Variants in TRIO observed in about 807,000 individuals in gnomAD.
TRIO encodes triple functional domain protein.
Under a neutral mutation model 351.9 loss-of-function variants are expected in TRIO, and 58 were observed. That is an observed-to-expected ratio of 0.16 (90% CI 0.13 to 0.21). TRIO has a LOEUF of 0.21. Among genes scored for constraint, TRIO ranks in the 10% least tolerant of loss-of-function variants. TRIO has a pLI of 1.00. For missense variants in TRIO, 3,201 were observed against 4,027.8 expected, an observed-to-expected ratio of 0.79 and a Z score of 5.56; for synonymous variants, 1,758 against 1,595.7, an observed-to-expected ratio of 1.10 and a Z score of -2.42.
At chr5:14,357,560 A>G (rs154162) in intron 11 of TRIO, among the ~76,000 whole-genome samples, 150,099 of 152,124 alleles carry the variant, frequency 0.99, 74,060 homozygotes, top group East Asian at 1. Flanking sequence ...AGGTGTCTGC[A>G]TCTTTTCAGC....
rs1194531995 is a variant in TRIO at position 14,509,383 on chromosome 5, T to G, written c.*961T>G. 2 of 449,114 alleles carry G rather than the reference T, an allele frequency of 4.5e-6. No individual in the cohort carries two copies. Among genetic ancestry groups the G allele is most frequent in the Non-Finnish European group, 8.9e-6 (2 of 225,958 alleles). The allele number at this position is 449,114 out of a possible 1,614,324, so 27.8% of individuals were successfully genotyped here. The stretch of plus-strand genomic sequence containing the variant: ...GTATGGTGAGCTTTATGGTTTTGTG[T>G]GTGTGTTGGGGTTGGCGGGTGGGTG... On this transcript the variant is annotated 3_prime_UTR_variant, in exon 57 of 57. Coordinates refer to ENST00000344204, the MANE Select transcript of TRIO (RefSeq NM_007118.4).
chr5:14,236,126 G>A (rs1041028776), intron 1 of TRIO, among the ~76,000 whole-genome samples: 6 of 152,084 alleles, frequency 3.9e-5, no homozygotes, highest in Non-Finnish European at 1.5e-5. Context: ...AAGTCCAAAC[G>A]ACCTGGAATT....
intron 1 of TRIO, among the ~76,000 whole-genome samples, chr5:14,257,382 G>A (rs1001242948): frequency 4.6e-5 from 7 of 152,180 alleles, no homozygotes; most frequent in African/African-American, 1.2e-4. Context: ...CAGGTTAATC[G>A]AAGCTTTTGT....
intron 1 of TRIO, among the ~76,000 whole-genome samples, chr5:14,265,175 C>T (rs1795596945): frequency 6.6e-6 from 1 of 151,726 alleles, no homozygotes; most frequent in South Asian, 2.1e-4. Context: ...AATGAAACCC[C>T]TGAGAATGGG....
At position 14,358,273 on chromosome 5, in the gene TRIO, C is replaced by CCAG; in HGVS notation, c.2152_2154dup (p.Gln718dup). On this transcript the variant is annotated inframe_insertion, in exon 12 of 57. Coordinates refer to ENST00000344204, the MANE Select transcript of TRIO (RefSeq NM_007118.4). ...TGCAGGACCTCATCAAGCGCTTTGGCCAGCAGCAGCAGACCACCCTGCAGG... is the reference window on the plus strand; with the variant it reads ...TGCAGGACCTCATCAAGCGCTTTGGCCAGCAGCAGCAGCAGACCACCCTGCAGG... The CCAG allele has an allele frequency of 6.2e-7, 1 of 1,614,178 alleles. No homozygotes were observed. Among genetic ancestry groups the CCAG allele is most frequent in the Non-Finnish European group, 8.5e-7 (1 of 1,180,024 alleles).
rs528288049 is a variant in TRIO at position 14,256,322 on chromosome 5, A to G, written c.158-14503A>G. Among the ~76,000 whole-genome samples, 21 of 152,230 alleles carry G rather than the reference A, an allele frequency of 1.4e-4. No individual in the cohort carries two copies. The East Asian group carries it at 3.5e-3, about 25-fold the overall frequency. ...ATGAGGGATCCACCCCCATGACTCA[A>G]ACACCTCCCACCACGCCCCACCTCC... On this transcript the variant is annotated intron_variant, in intron 1 of 56. Transcript: ENST00000344204.
chr5:14,280,882 A>T (rs559382326), intron 3 of TRIO, among the ~76,000 whole-genome samples: 2 of 152,164 alleles, frequency 1.3e-5, no homozygotes, highest in East Asian at 3.9e-4. Context: ...CTTATTAGCT[A>T]TATATTGGGC....
intron 2 of TRIO, among the ~76,000 whole-genome samples, chr5:14,272,980 A>G (rs1735170636): frequency 1.3e-5 from 2 of 152,134 alleles, no homozygotes; most frequent in South Asian, 4.2e-4. Flanking sequence ...TCTAAAATCC[A>G]CCTTTTTAAA....
At chr5:14,464,751 C>T (rs1367074613) in intron 36 of TRIO, among the ~76,000 whole-genome samples, 2 of 152,180 alleles carry the variant, frequency 1.3e-5, no homozygotes, top group African/African-American at 4.8e-5. Flanking sequence ...CATGCCTCGC[C>T]GCTGTCCTTA....
chr5:14,483,389 G>A (rs575727614), intron 46 of TRIO, among the ~76,000 whole-genome samples: 32 of 152,322 alleles, frequency 2.1e-4, no homozygotes, highest in African/African-American at 6.3e-4. Flanking sequence ...ACATGCCCCC[G>A]CCAGGGTCCT....
chr5:14,456,296 T>G (rs1019793080), intron 34 of TRIO, among the ~76,000 whole-genome samples: 7 of 152,236 alleles, frequency 4.6e-5, no homozygotes, highest in African/African-American at 1.7e-4. Context: ...CCCTCCAGCC[T>G]CAGCCAGCTC....
intron 1 of TRIO, among the ~76,000 whole-genome samples, chr5:14,218,910 G>C (rs138938683): frequency 6.6e-6 from 1 of 152,260 alleles, no homozygotes; most frequent in Non-Finnish European, 1.5e-5. Context: ...GCCGCTGGCA[G>C]TGCCGGCAGC....
intron 1 of TRIO, among the ~76,000 whole-genome samples, chr5:14,161,305 T>G (rs1788440175): frequency 1.3e-5 from 2 of 152,232 alleles, no homozygotes; most frequent in Non-Finnish European, 2.9e-5. Flanking sequence ...GTGTGTCTTG[T>G]GCTCTTGTAC....
At chr5:14,174,113 T>C (rs191485569) in intron 1 of TRIO, among the ~76,000 whole-genome samples, 1 of 152,308 alleles carries the variant, frequency 6.6e-6, no homozygotes, top group East Asian at 1.9e-4. Context: ...AGCTGCTGAT[T>C]TATGGAGAAA....
intron 34 of TRIO, among the ~76,000 whole-genome samples, chr5:14,445,935 C>T (rs1018203381): frequency 9.2e-5 from 14 of 152,216 alleles, no homozygotes; most frequent in African/African-American, 3.4e-4. Context: ...GCACTCTGAG[C>T]CCCAGCCCCA....
chr5:14,266,812 A>G (rs1340429693), intron 1 of TRIO, among the ~76,000 whole-genome samples: 1 of 152,234 alleles, frequency 6.6e-6, no homozygotes, highest in African/African-American at 2.4e-5. Flanking sequence ...AGTAGCATTC[A>G]ACAAATATTA....
chr5:14,200,714 T>G (rs989130297), intron 1 of TRIO, among the ~76,000 whole-genome samples: 1 of 152,168 alleles, frequency 6.6e-6, no homozygotes, highest in Non-Finnish European at 1.5e-5. Context: ...GATGTTGTTT[T>G]GGTTCGTAGT....
chr5:14,339,410 A>T (rs1271874168), intron 11 of TRIO, among the ~76,000 whole-genome samples: 1 of 152,258 alleles, frequency 6.6e-6, no homozygotes, highest in Non-Finnish European at 1.5e-5. Flanking sequence ...TTTTGTTTTC[A>T]TTGACTTACA....
intron 1 of TRIO, among the ~76,000 whole-genome samples, chr5:14,269,668 C>A (rs1048609019): frequency 6.6e-6 from 1 of 152,268 alleles, no homozygotes; most frequent in East Asian, 1.9e-4. Context: ...TGGAGAGAGT[C>A]GTTTTTTATA....
Sources: gnomAD v4.1 joint callset for allele counts (sites outside exome capture counted in the v4.1 genomes callset) on GRCh38, gnomAD v4.1.1 for gene constraint, MANE v1.5 for transcripts, NCBI Gene and HGNC (gene_info 2026-07-23, HGNC 2026-07-21) for gene names.